The following PCDHGA3 variants were observed in gnomAD, a reference collection of about 807,000 sequenced individuals.
PCDHGA3 encodes protocadherin gamma subfamily A, 3.
A neutral mutation model predicts 58.5 loss-of-function variants in PCDHGA3; 40 were observed. The ratio of observed to expected loss-of-function variants is 0.68; its 90% CI spans 0.53 to 0.89. The LOEUF is 0.89. PCDHGA3 is among the 40% of genes least tolerant of loss of function. PCDHGA3 has a pLI of 0.00. For missense variants in PCDHGA3, 1,223 were observed against 1,195.9 expected (o/e 1.02, Z -0.33); for synonymous variants, 530 against 525.7 (o/e 1.01, Z -0.11).
Position 141,360,898 on chromosome 5 carries a change from G to C in PCDHGA3, c.2424+14441G>C, listed in dbSNP as rs1252117170. On this transcript the variant is annotated intron_variant, in intron 1 of 3. Coordinates refer to ENST00000253812, the MANE Select transcript of PCDHGA3 (RefSeq NM_018916.4). Reference sequence around the variant, plus strand: ...GTACAGGGTCACCCTGAGGGAGGACGTGCCGCCGGGCTTCTTTGTGCTTCA... The same window carrying C: ...GTACAGGGTCACCCTGAGGGAGGACCTGCCGCCGGGCTTCTTTGTGCTTCA... 7 of 1,613,922 alleles carry C rather than the reference G, an allele frequency of 4.3e-6. No individual in the cohort carries two copies. Among genetic ancestry groups the C allele is most frequent in the South Asian group, 2.2e-5 (2 of 91,090 alleles).
chr5:141,405,838 T>C (rs1561702145), intron 1 of PCDHGA3, among the ~76,000 whole-genome samples: 4 of 152,300 alleles, frequency 2.6e-5, no homozygotes, highest in Admixed American at 2.0e-4. Flanking sequence ...TAGTATAAGT[T>C]GATATCAGTG....
intron 3 of PCDHGA3, 59 bp from the exon 4 acceptor site, chr5:141,510,888 A>C (rs2099883233): frequency 6.2e-7 from 1 of 1,612,646 alleles, no homozygotes. Flanking sequence ...GGGATATAAG[A>C]CAGTGACTGT....
At chr5:141,502,231 G>A (rs2099813372) in intron 2 of PCDHGA3, among the ~76,000 whole-genome samples, 1 of 152,172 alleles carries the variant, frequency 6.6e-6, no homozygotes, top group Non-Finnish European at 1.5e-5. Context: ...TGTTCTGTGT[G>A]TTCTTTTATC....
At position 141,431,353 on chromosome 5, in the gene PCDHGA3, C is replaced by T. The variant is rs1273946805; in HGVS notation, c.2425-63454C>T. 1 of 1,613,940 alleles carries T rather than the reference C, an allele frequency of 6.2e-7. No homozygotes were observed. Among genetic ancestry groups the T allele is most frequent in the Non-Finnish European group, 8.5e-7 (1 of 1,180,042 alleles). On this transcript the variant is annotated intron_variant, in intron 1 of 3. Coordinates refer to ENST00000253812, the MANE Select transcript of PCDHGA3 (RefSeq NM_018916.4). This position sits in a 1 kb window ranked among gnomAD's most constrained non-coding sequence, Gnocchi z 4.8. ...AGTACCCCGAATTGGTGCTGAAACG[C>T]GCCCTGGACCGCGAAGAAAAGGCTG...
rs765176989 is a variant in PCDHGA3, at chr5:141,350,711, C to T, written c.2424+4254C>T. On this transcript the variant is annotated intron_variant, in intron 1 of 3. Coordinates refer to ENST00000253812, the MANE Select transcript of PCDHGA3 (RefSeq NM_018916.4). ...AGCCTTACCCGGGGTAAAATTCTCT[C>T]TGGATTCTGCTCAAGATGCAGATGT... 3.1e-6 allele frequency: 5 copies of T among 1,613,962 alleles called. No individual in the cohort carries two copies. The East Asian group carries it at 8.9e-5, about 29-fold the overall frequency.
intron 2 of PCDHGA3, among the ~76,000 whole-genome samples, chr5:141,499,234 A>G (rs1294400331): frequency 6.6e-6 from 1 of 152,008 alleles, no homozygotes; most frequent in Non-Finnish European, 1.5e-5. Flanking sequence ...AGCTGTCCCC[A>G]GCCTCTGCAC....
At chr5:141,502,288 G>C (rs2099813700) in intron 2 of PCDHGA3, among the ~76,000 whole-genome samples, 1 of 151,338 alleles carries the variant, frequency 6.6e-6, no homozygotes, top group African/African-American at 2.5e-5. Flanking sequence ...ATTGCATTTG[G>C]TTGTCACGTC....
In PCDHGA3 at chr5:141,360,843, C is replaced by T. The variant is rs910664589; in HGVS notation, c.2424+14386C>T. 8 of 1,613,836 alleles carry T rather than the reference C, an allele frequency of 5.0e-6. No individual in the cohort carries two copies. The Admixed American group carries it at 5.0e-5, about 10-fold the overall frequency. Reference sequence around the variant, plus strand: ...TCCGAATCAAAGTCACGGATGCCAACGATAACCCTCCAGTGTTCAGCCAGG... The same window carrying T: ...TCCGAATCAAAGTCACGGATGCCAATGATAACCCTCCAGTGTTCAGCCAGG... On this transcript the variant is annotated intron_variant, in intron 1 of 3. Coordinates refer to ENST00000253812, the MANE Select transcript of PCDHGA3 (RefSeq NM_018916.4).
At chr5:141,400,551 T>G in intron 1 of PCDHGA3, 1 of 1,613,726 alleles carries the variant, frequency 6.2e-7, no homozygotes, top group Non-Finnish European at 8.5e-7. Context: ...TCTATTCTTT[T>G]TCATTACCCA....
intron 1 of PCDHGA3, chr5:141,390,549 T>A (rs1258668887): frequency 2.1e-6 from 1 of 482,262 alleles, no homozygotes; most frequent in Non-Finnish European, 3.7e-6. Context: ...AAAGTGAAAG[T>A]GTTAGACAGT....
chr5:141,384,768 G>C (rs1046016115), intron 1 of PCDHGA3: 4 of 1,613,804 alleles, frequency 2.5e-6, no homozygotes, highest in Non-Finnish European at 3.4e-6. Context: ...GGCTGTACAC[G>C]GGCGAGGTGC....
intron 1 of PCDHGA3, chr5:141,371,432 G>A (rs751667760): frequency 1.9e-6 from 3 of 1,614,002 alleles, no homozygotes; most frequent in South Asian, 1.1e-5. Context: ...ATGCCCCGGA[G>A]ATAACCCTGG....
chr5:141,357,058 G>T (rs1167854077), intron 1 of PCDHGA3: 3 of 1,613,880 alleles, frequency 1.9e-6, no homozygotes, highest in South Asian at 2.2e-5. Context: ...ATTTGCAGTG[G>T]GGCTGCACAC....
chr5:141,397,509 T>G (rs2093532710), intron 1 of PCDHGA3, among the ~76,000 whole-genome samples: 1 of 152,204 alleles, frequency 6.6e-6, no homozygotes, highest in African/African-American at 2.4e-5. Flanking sequence ...TAAAATTGTT[T>G]CCATAGCTAA....
At chr5:141,370,168 C>A (rs890245618) in intron 1 of PCDHGA3, 2 of 458,196 alleles carry the variant, frequency 4.4e-6, no homozygotes, top group South Asian at 1.2e-4. Flanking sequence ...GCAGCAGAGG[C>A]GCCGGGTGCC....
chr5:141,372,349 A>G lies in PCDHGA3; in HGVS notation c.2424+25892A>G, dbSNP rs373267938. ...GTCACTGTGCGTGATGGAGGACAGCAGCCTCTTTCAGCCACCGTCATGCTG... is the reference window on the plus strand; with the variant it reads ...GTCACTGTGCGTGATGGAGGACAGCGGCCTCTTTCAGCCACCGTCATGCTG... On this transcript the variant is annotated intron_variant, in intron 1 of 3. Transcript: ENST00000253812. 1.1e-5 allele frequency: 18 copies of G among 1,613,786 alleles called. No individual in the cohort carries two copies. The African/African-American group carries it at 2.4e-4, about 22-fold the overall frequency.
intron 1 of PCDHGA3, chr5:141,415,435 C>A: frequency 1.2e-6 from 2 of 1,614,202 alleles, no homozygotes; most frequent in Non-Finnish European, 8.5e-7. Context: ...TCGGGCTTTC[C>A]TGCAGACCTA....
intron 1 of PCDHGA3, among the ~76,000 whole-genome samples, chr5:141,382,039 G>T (rs2150197834): frequency 6.6e-6 from 1 of 151,922 alleles, no homozygotes; most frequent in Non-Finnish European, 1.5e-5. Flanking sequence ...ATGTTGGTCA[G>T]GCTGGTCTCA....
Position 141,511,390 on chromosome 5 carries a change from C to T in PCDHGA3, c.*217C>T, listed in dbSNP as rs2099883760. 1.8e-6 allele frequency: 2 copies of T among 1,101,460 alleles called. No individual in the cohort carries two copies. Among genetic ancestry groups the T allele is most frequent in the Admixed American group, 2.9e-5 (1 of 34,440 alleles). The allele number at this position is 1,101,460 out of a possible 1,614,324, so 68.2% of individuals were successfully genotyped here. A position where few individuals can be genotyped will look rare whatever the true frequency, so the allele number is the denominator to read the frequency against. On this transcript the variant is annotated 3_prime_UTR_variant, in exon 4 of 4. Transcript: ENST00000253812. ...ATGCAAAAGCAGTTCCGCTGGGAAC[C>T]CCCATCCAATCAACTGCTGTACCCA... is the stretch of plus-strand genomic sequence containing the variant.
Sources: allele counts gnomAD v4.1 joint callset (sites outside exome capture counted in the v4.1 genomes callset), GRCh38; gene constraint gnomAD v4.1.1; non-coding constraint Gnocchi (gnomAD v3.1); transcripts MANE v1.5; gene names NCBI Gene and HGNC (gene_info 2026-07-23, HGNC 2026-07-21).